Variants in CSMD1 observed in about 807,000 individuals in gnomAD.
CSMD1 encodes CUB and Sushi multiple domains 1, also known as CUB and sushi domain-containing protein 1.
In CSMD1, 213 loss-of-function variants were observed where a neutral mutation model predicts 417.5. The observed-to-expected ratio is 0.51, with a 90% CI of 0.46 to 0.57. The LOEUF is 0.57. Ranked by LOEUF, CSMD1 falls within the 20% of genes least tolerant of loss-of-function variation. The pLI is 0.00. For synonymous variants in CSMD1, 2,862 were observed against 1,736.8 expected, an observed-to-expected ratio of 1.65 and a Z score of -16.11; for missense variants, 6,923 against 4,529.7, an observed-to-expected ratio of 1.53 and a Z score of -15.17.
chr8:4,108,626 C>G (rs534624594), intron 3 of CSMD1, among the ~76,000 whole-genome samples: 6 of 152,312 alleles, frequency 3.9e-5, no homozygotes, highest in African/African-American at 1.4e-4. Context: ...CCGAGAGTCT[C>G]AGAAGAGCCT....
chr8:3,649,546 G>A (rs192119068), intron 7 of CSMD1, among the ~76,000 whole-genome samples: 1 of 152,206 alleles, frequency 6.6e-6, no homozygotes, highest in East Asian at 1.9e-4. Context: ...TTCACAAGGT[G>A]GCAGGAAGGA....
chr8:3,049,279 A>G (rs1033741181), intron 50 of CSMD1, among the ~76,000 whole-genome samples: 1 of 152,162 alleles, frequency 6.6e-6, no homozygotes, highest in Non-Finnish European at 1.5e-5. Context: ...AAAACCTTGC[A>G]CACAGATGTT....
At chr8:3,598,669 T>C (rs185698136) in intron 8 of CSMD1, among the ~76,000 whole-genome samples, 2 of 152,162 alleles carry the variant, frequency 1.3e-5, no homozygotes, top group African/African-American at 4.8e-5. Context: ...AATGAAAGAA[T>C]GAATCAGTAG....
chr8:4,651,630 T>G (rs1028857572), intron 1 of CSMD1, among the ~76,000 whole-genome samples: 1 of 152,206 alleles, frequency 6.6e-6, no homozygotes, highest in African/African-American at 2.4e-5. Flanking sequence ...TCTCATAAGA[T>G]CCTTACACAT....
At chr8:4,355,151 A>T (rs62479471) in intron 3 of CSMD1, among the ~76,000 whole-genome samples, 13,941 of 151,850 alleles carry the variant, frequency 0.092, 948 homozygotes, top group African/African-American at 0.18. Flanking sequence ...AGTCCCAGCT[A>T]CTCAGGAGGC....
At chr8:4,081,401 G>C (rs2552146) in intron 3 of CSMD1, among the ~76,000 whole-genome samples, 9 of 152,236 alleles carry the variant, frequency 5.9e-5, no homozygotes, top group African/African-American at 2.2e-4. Flanking sequence ...GATTATAAAA[G>C]GCTTTGCAGC....
chr8:3,952,988 AG>A, intron 5 of CSMD1, among the ~76,000 whole-genome samples: 1 of 148,000 alleles, frequency 6.8e-6, no homozygotes, highest in East Asian at 2.0e-4. Flanking sequence ...TTTAAAAATT[AG>A]AAAAATAACA....
At chr8:4,564,848 T>G (rs1798515489) in intron 2 of CSMD1, among the ~76,000 whole-genome samples, 1 of 152,246 alleles carries the variant, frequency 6.6e-6, no homozygotes, top group Non-Finnish European at 1.5e-5. Flanking sequence ...CAGCATTTAC[T>G]TTGCTGCTTA....
At chr8:4,339,873 A>G (rs1800377473) in intron 3 of CSMD1, among the ~76,000 whole-genome samples, 2 of 152,044 alleles carry the variant, frequency 1.3e-5, no homozygotes, top group Admixed American at 1.3e-4. Flanking sequence ...AAACTTAAAA[A>G]AATTATTCTG....
intron 5 of CSMD1, among the ~76,000 whole-genome samples, chr8:3,968,170 G>A (rs950648007): frequency 1.3e-5 from 2 of 148,432 alleles, no homozygotes; most frequent in African/African-American, 5.0e-5. Flanking sequence ...CTGGGTGACA[G>A]AGCGAGACTC....
chr8:3,452,349 C>G (rs529637802), intron 12 of CSMD1, among the ~76,000 whole-genome samples: 3 of 152,290 alleles, frequency 2.0e-5, no homozygotes, highest in East Asian at 3.9e-4. Context: ...ACATCCAACT[C>G]TATGTTGAAT....
intron 5 of CSMD1, among the ~76,000 whole-genome samples, chr8:3,887,985 C>T (rs1329857382): frequency 6.6e-6 from 1 of 152,094 alleles, no homozygotes; most frequent in African/African-American, 2.4e-5. Flanking sequence ...TGTCAGGATT[C>T]TTATCTGGTT....
intron 23 of CSMD1, among the ~76,000 whole-genome samples, chr8:3,317,998 A>T (rs888605448): frequency 2.0e-5 from 3 of 152,076 alleles, no homozygotes; most frequent in African/African-American, 7.2e-5. Context: ...TTTTGTAGAG[A>T]CAGGGTTTCC....
intron 5 of CSMD1, among the ~76,000 whole-genome samples, chr8:3,881,780 G>A (rs941584867): frequency 7.2e-5 from 11 of 152,024 alleles, no homozygotes; most frequent in African/African-American, 1.4e-4. Context: ...CTGAATGGTC[G>A]ATGCAAGGAA....
intron 26 of CSMD1, 99 bp downstream of exon 26, chr8:3,284,045 C>T (rs1802948628): frequency 2.0e-6 from 2 of 977,870 alleles, no homozygotes; most frequent in Admixed American, 2.2e-5. Flanking sequence ...TAAATTGCAT[C>T]TGTGTAAGGA....
intron 1 of CSMD1, among the ~76,000 whole-genome samples, chr8:4,964,801 C>T (rs1174575224): frequency 1.3e-5 from 2 of 152,116 alleles, no homozygotes; most frequent in African/African-American, 4.8e-5. Context: ...TTTTTATCGT[C>T]GTTGTCCACC....
intron 18 of CSMD1, among the ~76,000 whole-genome samples, chr8:3,384,800 T>A (rs1405108228): frequency 8.0e-6 from 1 of 124,336 alleles, no homozygotes; most frequent in Non-Finnish European, 1.6e-5. Flanking sequence ...TAATATATGC[T>A]ATTTATATAT....
At chr8:3,599,884 G>C (rs1364286422) in intron 8 of CSMD1, among the ~76,000 whole-genome samples, 2 of 152,184 alleles carry the variant, frequency 1.3e-5, no homozygotes, top group African/African-American at 4.8e-5. Flanking sequence ...GAGTGAGATG[G>C]TTGACTACCT....
intron 1 of CSMD1, among the ~76,000 whole-genome samples, chr8:4,879,787 G>A (rs777149529): frequency 3.9e-5 from 6 of 152,004 alleles, no homozygotes; most frequent in East Asian, 3.9e-4. Context: ...ACAGATGAAT[G>A]CATTTAACCA....
Sources: gnomAD v4.1 joint callset for allele counts (sites outside exome capture counted in the v4.1 genomes callset) on GRCh38, gnomAD v4.1.1 for gene constraint, MANE v1.5 for transcripts, NCBI Gene and HGNC (gene_info 2026-07-23, HGNC 2026-07-21) for gene names.